Variants in IFT74 observed in about 807,000 individuals in gnomAD.
IFT74 encodes intraflagellar transport protein 74 homolog.
Under a neutral mutation model 96.7 loss-of-function variants are expected in IFT74, and 92 were observed. The observed-to-expected ratio is 0.95, with a 90% CI of 0.80 to 1.13. The LOEUF is 1.13. Among genes scored for constraint, IFT74 ranks in the 50% most tolerant of loss-of-function variants. IFT74 has a pLI of 0.00. For missense variants in IFT74, 811 were observed against 698.2 expected (o/e 1.16, Z -1.82); for synonymous variants, 223 against 213.2 (o/e 1.05, Z -0.40).
intron 2 of IFT74, among the ~76,000 whole-genome samples, chr9:26,977,268 C>T (rs2131522817): frequency 6.6e-6 from 1 of 152,150 alleles, no homozygotes; most frequent in South Asian, 2.1e-4. Context: ...TGCATGCCAC[C>T]ATGCCCAAAC....
At chr9:27,019,530 A>G (rs756898824) in intron 12 of IFT74, among the ~76,000 whole-genome samples, 20 of 152,044 alleles carry the variant, frequency 1.3e-4, no homozygotes, top group Non-Finnish European at 2.4e-4. Flanking sequence ...AAACTAAGAC[A>G]AATGGAATAT....
At chr9:27,044,702 CA>C in intron 13 of IFT74, 39 bp from the exon 14 acceptor site, 1 of 1,226,818 alleles carries the variant, frequency 8.2e-7, no homozygotes, top group Non-Finnish European at 1.2e-6. Flanking sequence ...CCTGTATGTG[CA>C]ATTTTTGAAA....
chr9:27,042,996 T>G (rs145572708), intron 13 of IFT74, among the ~76,000 whole-genome samples: 1 of 152,244 alleles, frequency 6.6e-6, no homozygotes, highest in Non-Finnish European at 1.5e-5. Context: ...AAAGTTTGTT[T>G]AATAACAGAG....
chr9:27,046,764 T>C (rs2011130488), intron 14 of IFT74, among the ~76,000 whole-genome samples: 1 of 152,202 alleles, frequency 6.6e-6, no homozygotes, highest in South Asian at 2.1e-4. Flanking sequence ...ATTTATAACT[T>C]TCTGATTTAC....
At chr9:27,019,258 C>T (rs1043575417) in intron 12 of IFT74, among the ~76,000 whole-genome samples, 5 of 152,008 alleles carry the variant, frequency 3.3e-5, no homozygotes, top group Non-Finnish European at 7.4e-5. Context: ...TGCCATGCCC[C>T]CAGTCAATTT....
chr9:26,999,495 ACT>A, intron 8 of IFT74: 1 of 694,496 alleles, frequency 1.4e-6, no homozygotes, highest in Non-Finnish European at 2.3e-6. Flanking sequence ...AGCTAAATAA[ACT>A]CTTAATTTTA....
At chr9:26,947,961 C>T (rs1247285533) in intron 1 of IFT74, among the ~76,000 whole-genome samples, 1 of 152,142 alleles carries the variant, frequency 6.6e-6, no homozygotes, top group Non-Finnish European at 1.5e-5. Flanking sequence ...TTATTGAGTG[C>T]CAGGGTAAAC....
intron 4 of IFT74, chr9:26,982,548 C>T (rs556488626): frequency 1.1e-4 from 30 of 282,876 alleles, no homozygotes; most frequent in East Asian, 9.3e-4. Flanking sequence ...CTCCGCCTCC[C>T]GGGTTCAAGT....
At chr9:26,988,271 A>G (rs1462480120) in intron 6 of IFT74, among the ~76,000 whole-genome samples, 1 of 152,092 alleles carries the variant, frequency 6.6e-6, no homozygotes, top group East Asian at 1.9e-4. Context: ...AAATTTGTAA[A>G]TCTACTAACA....
chr9:27,057,265 C>T (rs967837031), intron 18 of IFT74, among the ~76,000 whole-genome samples: 1 of 152,108 alleles, frequency 6.6e-6, no homozygotes, highest in African/African-American at 2.4e-5. Context: ...TATATACCTG[C>T]AGCCCCCTTT....
Position 26,974,543 on chromosome 9 carries a change from A to G in IFT74, c.121-3585A>G, listed in dbSNP as rs1469008222. 5.9e-5 allele frequency among the ~76,000 whole-genome samples: 9 copies of G among 152,030 alleles called. No homozygotes were observed. In the South Asian group the frequency reaches 1.2e-3, roughly 21 times the overall value. On this transcript the variant is annotated intron_variant, in intron 2 of 19. Coordinates refer to ENST00000380062, the MANE Select transcript of IFT74 (RefSeq NM_025103.4). ...GGGTATTGATTCCTTAATTCCTTTT[A>G]TTATCATTTCCCTTAGATCTTCCAT...
chr9:26,978,874 A>T (rs1427467499), intron 3 of IFT74, among the ~76,000 whole-genome samples: 1 of 152,116 alleles, frequency 6.6e-6, no homozygotes, highest in Non-Finnish European at 1.5e-5. Flanking sequence ...ATGCTTCTGC[A>T]TATGTATTTA....
chr9:27,022,934 G>A (rs887957360), intron 12 of IFT74, among the ~76,000 whole-genome samples: 7 of 151,954 alleles, frequency 4.6e-5, no homozygotes, highest in South Asian at 2.1e-4. Flanking sequence ...CACCGCGCCC[G>A]ACCGAGTTCT....
chr9:26,956,358 T>A (rs929951601), upstream of IFT74: 1 of 152,376 alleles, frequency 6.6e-6, no homozygotes, highest in Admixed American at 6.5e-5. Context: ...TCACTCAGGA[T>A]GAGGAGCCTC....
At chr9:26,950,658 T>C (rs954271367) in intron 1 of IFT74, among the ~76,000 whole-genome samples, 4 of 152,258 alleles carry the variant, frequency 2.6e-5, no homozygotes, top group African/African-American at 7.2e-5. Flanking sequence ...GTTATAATTC[T>C]GCAAAGGTAG....
At chr9:26,978,337 A>G in intron 3 of IFT74, 74 bp downstream of exon 3, 8 of 1,474,002 alleles carry the variant, frequency 5.4e-6, no homozygotes, top group Non-Finnish European at 6.4e-6. Context: ...ACAATTTAAA[A>G]AAGTAAAAGT....
intron 13 of IFT74, among the ~76,000 whole-genome samples, chr9:27,040,666 C>T (rs1316226974): frequency 6.6e-6 from 1 of 151,750 alleles, no homozygotes; most frequent in African/African-American, 2.4e-5. Context: ...TTTTCTTGCC[C>T]CGTCTCCCTG....
intron 10 of IFT74, among the ~76,000 whole-genome samples, chr9:27,013,840 A>G (rs1829222645): frequency 6.6e-6 from 1 of 152,156 alleles, no homozygotes; most frequent in Non-Finnish European, 1.5e-5. Context: ...GATTGCTGAC[A>G]CCCTAGCTTG....
At chr9:27,034,146 A>G (rs1452822409) in intron 13 of IFT74, among the ~76,000 whole-genome samples, 1 of 152,230 alleles carries the variant, frequency 6.6e-6, no homozygotes, top group Non-Finnish European at 1.5e-5. Context: ...ACCAAAAATG[A>G]TTACTTTCCA....
Sources: allele counts gnomAD v4.1 joint callset (sites outside exome capture counted in the v4.1 genomes callset), GRCh38; gene constraint gnomAD v4.1.1; transcripts MANE v1.5; gene names NCBI Gene and HGNC (gene_info 2026-07-23, HGNC 2026-07-21).